The following PAX2 variants were observed in gnomAD, a reference collection of about 807,000 sequenced individuals.
PAX2 encodes paired box protein Pax-2.
Under a neutral mutation model 41.7 loss-of-function variants are expected in PAX2, and 9 were observed. That is an observed-to-expected ratio of 0.22 (90% confidence interval 0.13 to 0.38). The LOEUF (loss-of-function observed/expected upper bound fraction) is 0.38. PAX2 is among the 10% of genes least tolerant of loss of function. The probability of loss-of-function intolerance (pLI) is 1.00; values close to 1 mark genes in which losing one functional copy is unlikely to be tolerated. For missense variants in PAX2, 418 were observed against 531.6 expected (o/e 0.79, Z 2.10); for synonymous variants, 221 against 212.7 (o/e 1.04, Z -0.34).
chr10:100,737,605 G>C (rs774291937), intron 1 of PAX2, among the ~76,000 whole-genome samples: 1 of 152,218 alleles, frequency 6.6e-6, no homozygotes, highest in African/African-American at 2.4e-5. Flanking sequence ...ACCGCACTTC[G>C]AGGCGGCTCC....
At chr10:100,781,445 C>T (rs906806979) in intron 5 of PAX2, 80 bp downstream of exon 5, 23 of 1,443,150 alleles carry the variant, frequency 1.6e-5, no homozygotes, top group East Asian at 2.3e-5. Context: ...GGCCTGGCCT[C>T]GCAGCTGCTC....
intron 4 of PAX2, among the ~76,000 whole-genome samples, chr10:100,780,307 C>G (rs2133895673): frequency 6.6e-6 from 1 of 152,332 alleles, no homozygotes; most frequent in South Asian, 2.1e-4. Flanking sequence ...TCCTCTGTCC[C>G]CAACGCACAC....
chr10:100,825,055 A>C, intron 8 of PAX2: 3 of 1,224,118 alleles, frequency 2.5e-6, no homozygotes, highest in Non-Finnish European at 2.4e-6. Flanking sequence ...CCTCAGCTCC[A>C]CCCTCAGTGC....
At chr10:100,771,516 G>C (rs12774757) in intron 3 of PAX2, among the ~76,000 whole-genome samples, 23,896 of 152,198 alleles carry the variant, frequency 0.16, 2,410 homozygotes, top group Middle Eastern at 0.31. Flanking sequence ...CTGTGGAGAG[G>C]AGGAAGTAAA....
chr10:100,759,966 C>G (rs985524604), intron 3 of PAX2, among the ~76,000 whole-genome samples: 1 of 152,208 alleles, frequency 6.6e-6, no homozygotes, highest in Non-Finnish European at 1.5e-5. Flanking sequence ...CAGGCAGCTT[C>G]TGGCCTGCAG....
In PAX2 at chr10:100,779,538, C is replaced by G. The variant is rs1434530255; in HGVS notation, c.451C>G (p.Pro151Ala). The G allele has an allele frequency of 3.1e-6, 5 of 1,597,302 alleles. No homozygotes were observed. The highest frequency in any genetic ancestry group is 4.3e-6 in the Non-Finnish European group (5 of 1,172,390). The change falls in exon 4 of 10, where the codon CCG becomes GCG. Residue 151 changes from proline (P) to alanine (A), a missense_variant. Pro to Ala is a conservative substitution (Grantham distance 27). Around this residue, in one of 2 missense-constraint regions of PAX2, gnomAD observed 310 missense variants for 325.2 expected, o/e 0.95. Transcript: ENST00000355243. ...TKVQQPFHPT[P>A]DGAGTGVTAP... The stretch of plus-strand genomic sequence containing the variant: ...AGTTCAGCAGCCTTTCCACCCAACG[C>G]CGGATGGGGCTGGGACAGGAGTGAC...
chr10:100,802,657 C>T (rs1363488439), intron 5 of PAX2, among the ~76,000 whole-genome samples: 2 of 152,124 alleles, frequency 1.3e-5, no homozygotes, highest in Admixed American at 1.3e-4. Context: ...AGTACCTACT[C>T]GGGGCCATTC....
At chr10:100,783,493 A>G (rs894014493) in intron 5 of PAX2, among the ~76,000 whole-genome samples, 2 of 152,264 alleles carry the variant, frequency 1.3e-5, no homozygotes, top group African/African-American at 2.4e-5. Flanking sequence ...CTGAAATTCT[A>G]TCTGATAGAC....
chr10:100,813,711 A>G (rs1374634176), intron 7 of PAX2, among the ~76,000 whole-genome samples: 1 of 152,200 alleles, frequency 6.6e-6, no homozygotes, highest in Admixed American at 6.5e-5. Context: ...TCAGAGTCCA[A>G]ATTTATACCA....
At chr10:100,804,478 C>T (rs1031380282) in intron 5 of PAX2, among the ~76,000 whole-genome samples, 2 of 152,166 alleles carry the variant, frequency 1.3e-5, no homozygotes, top group Non-Finnish European at 2.9e-5. Flanking sequence ...CCTGAGAGTC[C>T]GGCTTCCCCA....
chr10:100,749,597 C>A, intron 1 of PAX2, 149 bp from the exon 2 acceptor site: 4 of 1,436,358 alleles, frequency 2.8e-6, no homozygotes, highest in South Asian at 3.0e-5. Context: ...TCCGCGTGGT[C>A]GTGGAGGTCC....
chr10:100,818,015 G>A (rs1458171404), intron 7 of PAX2, among the ~76,000 whole-genome samples: 2 of 152,156 alleles, frequency 1.3e-5, no homozygotes, highest in Non-Finnish European at 2.9e-5. Context: ...ATTTTTGTAA[G>A]TATTATAAAT....
intron 3 of PAX2, among the ~76,000 whole-genome samples, chr10:100,767,881 A>G (rs918659487): frequency 1.3e-5 from 2 of 152,128 alleles, no homozygotes; most frequent in African/African-American, 2.4e-5. Flanking sequence ...TTTTGTTGCA[A>G]TGCCCCCAGG....
intron 7 of PAX2, among the ~76,000 whole-genome samples, chr10:100,815,289 T>C (rs564120346): frequency 7.5e-6 from 1 of 133,218 alleles, no homozygotes; most frequent in Admixed American, 7.2e-5. Flanking sequence ...CTCCTAGTCT[T>C]GTCTGTCAGC....
upstream of PAX2, among the ~76,000 whole-genome samples, chr10:100,743,489 G>T (rs1223238795): frequency 3.3e-5 from 5 of 152,176 alleles, no homozygotes; most frequent in African/African-American, 1.2e-4. Context: ...CAAATTCCTG[G>T]ATGACCAACT....
intron 3 of PAX2, among the ~76,000 whole-genome samples, chr10:100,751,769 AGCAGCACTGG>A (rs11277219): frequency 0.11 from 17,203 of 152,106 alleles, 2,983 homozygotes; most frequent in African/African-American, 0.37. Flanking sequence ...AGAACATACA[AGCAGCACTGG>A]GCTCAGGAAC....
chr10:100,777,398 C>CTT (rs56136871), intron 3 of PAX2, among the ~76,000 whole-genome samples: 13 of 121,938 alleles, frequency 1.1e-4, no homozygotes, highest in Non-Finnish European at 1.4e-4. Flanking sequence ...CGCATCTGGC[C>CTT]TTTTTTTTTT....
At chr10:100,749,407 T>C (rs1247748731) in intron 1 of PAX2, 5 of 1,141,728 alleles carry the variant, frequency 4.4e-6, no homozygotes, top group Non-Finnish European at 5.4e-6. Context: ...CTCGCTTTCT[T>C]ACGCCCTTTC....
chr10:100,800,428 C>A (rs144726366), intron 5 of PAX2, among the ~76,000 whole-genome samples: 2 of 151,820 alleles, frequency 1.3e-5, no homozygotes, highest in East Asian at 1.9e-4. Flanking sequence ...CAGGTGCATA[C>A]AACTATGCCC....
Sources: gnomAD v4.1 joint callset for allele counts (sites outside exome capture counted in the v4.1 genomes callset) on GRCh38, gnomAD v4.1.1 for gene constraint, gnomAD v4.1.1 regional missense constraint, MANE v1.5 for transcripts, NCBI Gene and HGNC (gene_info 2026-07-23, HGNC 2026-07-21) for gene names.